TCHHL1: variants seen among roughly 807,000 people sequenced by gnomAD.
TCHHL1 encodes trichohyalin-like protein 1.
A neutral mutation model predicts 3.5 loss-of-function variants in TCHHL1; 1 was observed. The ratio of observed to expected loss-of-function variants is 0.29; its 90% CI spans 0.10 to 1.36. The LOEUF (loss-of-function observed/expected upper bound fraction) is 1.36. Among genes scored for constraint, TCHHL1 ranks in the 40% most tolerant of loss-of-function variants. TCHHL1 has a pLI of 0.43. For synonymous variants in TCHHL1, 405 were observed against 375.3 expected (o/e 1.08, Z -0.92); for missense variants, 1,027 against 1,032.8 (o/e 0.99, Z 0.08).
At chr1:152,088,309 G>A in intron 1 of TCHHL1, 146 bp from the exon 2 acceptor site, 4 of 658,332 alleles carry the variant, frequency 6.1e-6, no homozygotes, top group Non-Finnish European at 9.0e-6. Flanking sequence ...GAACTCCAGG[G>A]GTGATTTAGT....
rs751036382 is a variant in TCHHL1 at position 152,087,334 on chromosome 1, G to A, written c.348C>T (p.Thr116=). 4.3e-5 allele frequency: 70 copies of A among 1,613,624 alleles called. No homozygotes were observed. The highest frequency in any genetic ancestry group is 5.7e-5 in the Non-Finnish European group (67 of 1,179,982). ...KLDDVDVQAT[T]GDGQWTVGTS... ...TTCCCACTGTCCACTGACCATCTCC[G>A]GTGGTTGCCTGAACATCCACATCAT... The change falls in exon 3 of 3, where the codon ACC becomes ACT. Residue 116 remains threonine (T), a synonymous_variant. Coordinates refer to ENST00000368806, the MANE Select transcript of TCHHL1 (RefSeq NM_001008536.2).
rs1303963698 is a variant in TCHHL1 at position 152,086,922 on chromosome 1, G to T, written c.760C>A (p.Gln254Lys). 1 of 1,614,074 alleles carries T rather than the reference G, an allele frequency of 6.2e-7. No homozygotes were observed. The highest frequency in any genetic ancestry group is 8.5e-7 in the Non-Finnish European group (1 of 1,180,016). The part of the protein sequence containing the change: ...VSKIRDQFGE[Q>K]EGNLATQSSP... ...CTTTGGGTTGCCAAGTTTCCTTCCT[G>T]TTCTCCAAACTGGTCTCTTATCTTG... Residue 254 changes from glutamine (Q) to lysine (K), a missense_variant, in exon 3 of 3, where the codon CAG becomes AAG. Around this residue, in one of 3 missense-constraint regions of TCHHL1, gnomAD observed 338 missense variants for 335.9 expected, o/e 1.01. Transcript: ENST00000368806.
At chr1:152,088,412 T>C (rs1013564505) in intron 1 of TCHHL1, among the ~76,000 whole-genome samples, 1 of 152,168 alleles carries the variant, frequency 6.6e-6, no homozygotes, top group Admixed American at 6.5e-5. Context: ...GCAACATTCA[T>C]GTGCTCAGAG....
chr1:152,087,771 T>C (rs1657761704), intron 2 of TCHHL1, among the ~76,000 whole-genome samples: 1 of 152,174 alleles, frequency 6.6e-6, no homozygotes, highest in Non-Finnish European at 1.5e-5. Context: ...GGTTTATGAC[T>C]CCTTTCAGAA....
Position 152,086,227 on chromosome 1 carries a change from G to A in TCHHL1, c.1455C>T (p.Asn485=), listed in dbSNP as rs150195731. The change falls in exon 3 of 3, where the codon AAC becomes AAT. Residue 485 remains asparagine, a synonymous_variant. Transcript: ENST00000368806. ...CCAGTGTCCTTTCTGCTGCAGGTGC[G>A]TTTTTGCTGTTCACAAATGCTTCTG... ...GTAEAFVNSK[N]APAAERTLGA... is the part of the protein sequence containing the mutation. The A allele has an allele frequency of 5.0e-5, 81 of 1,614,118 alleles. No individual in the cohort carries two copies. Among genetic ancestry groups the A allele is most frequent in the Middle Eastern group, 3.3e-4 (2 of 6,060 alleles).
In TCHHL1 at chr1:152,085,144, A is replaced by G; in HGVS notation, c.2538T>C (p.Cys846=). 6.2e-7 allele frequency: 1 copy of G among 1,614,062 alleles called. No homozygotes were observed. The highest frequency in any genetic ancestry group is 8.5e-7 in the Non-Finnish European group (1 of 1,180,020). ...CTTGGCTGTAGTTGAAAAAGACAGA[A>G]CAATCTGAGATCTCACTGGTGAGGG... ...SVSLTSEISD[C]SVFFNYSQAS... is the part of the protein sequence containing the mutation. The change falls in exon 3 of 3, where the codon TGT becomes TGC. Residue 846 remains cysteine, a synonymous_variant. Coordinates refer to ENST00000368806, the MANE Select transcript of TCHHL1 (RefSeq NM_001008536.2).
Position 152,086,222 on chromosome 1 carries a change from G to T in TCHHL1, c.1460C>A (p.Pro487His). Residue 487 changes from proline to histidine, a missense_variant, in exon 3 of 3, where the codon CCT becomes CAT. Physicochemically the swap from Pro to His is moderately conservative, Grantham distance 77. This residue lies in a region of TCHHL1 where 673 missense variants were observed against 658.6 expected (regional missense o/e 1.02). Transcript: ENST00000368806. The part of the protein sequence containing the change: ...AEAFVNSKNA[P>H]AAERTLGARE... ...TGCCCCCAGTGTCCTTTCTGCTGCA[G>T]GTGCGTTTTTGCTGTTCACAAATGC... 1.2e-6 allele frequency: 2 copies of T among 1,614,152 alleles called. No individual in the cohort carries two copies. Among genetic ancestry groups the T allele is most frequent in the South Asian group, 2.2e-5 (2 of 91,080 alleles).
chr1:152,084,909 A>C lies in TCHHL1; in HGVS notation c.*58T>G. On this transcript the variant is annotated 3_prime_UTR_variant, in exon 3 of 3. Transcript: ENST00000368806. ...TGTTAATCTGCATCTGAATGTGTACACGTGAGTATTGAGGGTGATTGGGAG... is the reference window on the plus strand; with the variant it reads ...TGTTAATCTGCATCTGAATGTGTACCCGTGAGTATTGAGGGTGATTGGGAG... The C allele has an allele frequency of 6.7e-7, 1 of 1,503,490 alleles. No homozygotes were observed. The allele number at this position is 1,503,490 out of a possible 1,614,324, so 93.1% of individuals were successfully genotyped here. A position where few individuals can be genotyped will look rare whatever the true frequency, so the allele number is the denominator to read the frequency against.
rs758572009 is a variant in TCHHL1 at position 152,086,477 on chromosome 1, G to C, written c.1205C>G (p.Thr402Arg). Reference protein sequence around the residue: ...KERRGPEAHGTAGQKERDRKT... With the variant: ...KERRGPEAHGRAGQKERDRKT... ...TCTGTCACGTTCTTTCTGCCCTGCT[G>C]TTCCATGGGCCTCAGGACCTCTCCT... The change falls in exon 3 of 3, where the codon ACA becomes AGA. Residue 402 changes from threonine (T) to arginine (R), a missense_variant. Thr to Arg is a moderately conservative substitution (Grantham distance 71). Transcript: ENST00000368806. 1.2e-6 allele frequency: 2 copies of C among 1,614,026 alleles called. No homozygotes were observed. Among genetic ancestry groups the C allele is most frequent in the East Asian group, 2.2e-5 (1 of 44,892 alleles).
rs1657693960 is a variant in TCHHL1 at position 152,085,138 on chromosome 1, G to A, written c.2544C>T (p.Val848=). ...GTGATGCTTGGCTGTAGTTGAAAAA[G>A]ACAGAACAATCTGAGATCTCACTGG... is the stretch of plus-strand genomic sequence containing the variant. ...SLTSEISDCS[V]FFNYSQASQP... Residue 848 remains valine, a synonymous_variant, in exon 3 of 3, where the codon GTC becomes GTT. Transcript: ENST00000368806. 3.7e-6 allele frequency: 6 copies of A among 1,614,016 alleles called. No individual in the cohort carries two copies. The highest frequency in any genetic ancestry group is 1.7e-5 in the Admixed American group (1 of 60,000).
chr1:152,084,953 G>A lies in TCHHL1; in HGVS notation c.*14C>T. 2.5e-6 allele frequency: 4 copies of A among 1,606,010 alleles called. No individual in the cohort carries two copies. Among genetic ancestry groups the A allele is most frequent in the Non-Finnish European group, 3.4e-6 (4 of 1,175,302 alleles). ...TTGGGAGAGAAATTGGGGGCATGTT[G>A]AGATGATAATGATTCATTGCTTTGT... On this transcript the variant is annotated 3_prime_UTR_variant, in exon 3 of 3. Coordinates refer to ENST00000368806, the MANE Select transcript of TCHHL1 (RefSeq NM_001008536.2).
At chr1:152,087,637 C>T (rs1275257796) in intron 2 of TCHHL1, 94 bp from the exon 3 acceptor site, 1 of 1,298,508 alleles carries the variant, frequency 7.7e-7, no homozygotes, top group Non-Finnish European at 1.0e-6. Context: ...CCTCATTCCT[C>T]AGTAACTGGT....
chr1:152,086,069 G>T lies in TCHHL1; in HGVS notation c.1613C>A (p.Pro538Gln). ...AGACCCCTCATCACTCTGTGTGAAT[G>T]GTGACTCAGGGTCCTCCCCCTGGTA... ...DGYQGEDPES[P>Q]FTQSDEGSSE... The change falls in exon 3 of 3, where the codon CCA becomes CAA. Residue 538 changes from proline to glutamine, a missense_variant. By Grantham distance (76) the Pro-to-Gln change is moderately conservative. This residue lies in a region of TCHHL1 where 673 missense variants were observed against 658.6 expected (regional missense o/e 1.02). Transcript: ENST00000368806. 6.2e-7 allele frequency: 1 copy of T among 1,614,172 alleles called. No homozygotes were observed. The highest frequency in any genetic ancestry group is 8.5e-7 in the Non-Finnish European group (1 of 1,180,034).
rs770349673 is a variant in TCHHL1 at position 152,087,421 on chromosome 1, G to A, written c.261C>T (p.Asp87=). 3.1e-6 allele frequency: 5 copies of A among 1,611,524 alleles called. No individual in the cohort carries two copies. The highest frequency in any genetic ancestry group is 1.1e-5 in the South Asian group (1 of 91,086). ...GTTCAGAACTTAGTAATGATTTTAT[G>A]TCAAGATAACAGAGGTTCAACAAGT... ...IFNLLNLCYL[D]IKSLLSSELR... is the part of the protein sequence containing the mutation. Residue 87 remains aspartate (D), a synonymous_variant, in exon 3 of 3, where the codon GAC becomes GAT. Coordinates refer to ENST00000368806, the MANE Select transcript of TCHHL1 (RefSeq NM_001008536.2).
At position 152,085,295 on chromosome 1, in the gene TCHHL1, A is replaced by T; in HGVS notation, c.2387T>A (p.Val796Asp). 3 of 1,614,140 alleles carry T rather than the reference A, an allele frequency of 1.9e-6. No homozygotes were observed. Among genetic ancestry groups the T allele is most frequent in the Non-Finnish European group, 2.5e-6 (3 of 1,180,020 alleles). The stretch of plus-strand genomic sequence containing the variant: ...GTACTGGTATAGTGGACTGGAATAG[A>T]CTGCACCCCTCTCCACAGAACAGGG... ...QEPCSVERGA[V>D]YSSPLYQYLQ... The change falls in exon 3 of 3, where the codon GTC (valine) becomes GAC (aspartate). Residue 796 changes from valine to aspartate, a missense_variant. By Grantham distance (152) the Val-to-Asp change is radical. This residue lies in a region of TCHHL1 where 673 missense variants were observed against 658.6 expected (regional missense o/e 1.02). Coordinates refer to ENST00000368806, the MANE Select transcript of TCHHL1 (RefSeq NM_001008536.2).
Position 152,086,574 on chromosome 1 carries a change from T to C in TCHHL1, c.1108A>G (p.Lys370Glu). 6.2e-7 allele frequency: 1 copy of C among 1,614,218 alleles called. No individual in the cohort carries two copies. The highest frequency in any genetic ancestry group is 8.5e-7 in the Non-Finnish European group (1 of 1,180,046). Reference sequence around the variant, plus strand: ...CTACCATATTGGACTGGCAGGTCCTTTGTTTCACATTCTTTTTCTTGGGTC... The same window carrying C: ...CTACCATATTGGACTGGCAGGTCCTCTGTTTCACATTCTTTTTCTTGGGTC... The part of the protein sequence containing the change: ...SETQEKECET[K>E]DLPVQYGSRN... The change falls in exon 3 of 3, where the codon AAG becomes GAG. Residue 370 changes from lysine (K) to glutamate (E), a missense_variant. Lys to Glu is a moderately conservative substitution (Grantham distance 56). Coordinates refer to ENST00000368806, the MANE Select transcript of TCHHL1 (RefSeq NM_001008536.2).
chr1:152,085,035 C>T lies in TCHHL1; in HGVS notation c.2647G>A (p.Asp883Asn). The change falls in exon 3 of 3, where the codon GAT (aspartate) becomes AAT (asparagine). Residue 883 changes from aspartate (D) to asparagine (N), a missense_variant. Around this residue, in one of 3 missense-constraint regions of TCHHL1, gnomAD observed 673 missense variants for 658.6 expected, o/e 1.02. Transcript: ENST00000368806. ...QETPAPQALE[D>N]KQGHPQRERL... The stretch of plus-strand genomic sequence containing the variant: ...TCTCTCTGAGGGTGACCTTGCTTAT[C>T]TTCCAAGGCCTGGGGAGCTGGTGTT... 1.2e-6 allele frequency: 2 copies of T among 1,614,114 alleles called. No individual in the cohort carries two copies. The highest frequency in any genetic ancestry group is 1.7e-6 in the Non-Finnish European group (2 of 1,180,026).
intron 1 of TCHHL1, among the ~76,000 whole-genome samples, 152 bp from the exon 2 acceptor site, chr1:152,088,315 T>G (rs940691045): frequency 2.0e-5 from 3 of 152,126 alleles, no homozygotes; most frequent in African/African-American, 7.2e-5. Context: ...CAGGGGTGAT[T>G]TAGTATTGTA....
At position 152,085,844 on chromosome 1, in the gene TCHHL1, G is replaced by A; in HGVS notation, c.1838C>T (p.Ala613Val). The change falls in exon 3 of 3, where the codon GCA (alanine) becomes GTA (valine). Residue 613 changes from alanine (A) to valine (V), a missense_variant. By Grantham distance (64) the Ala-to-Val change is moderately conservative. Coordinates refer to ENST00000368806, the MANE Select transcript of TCHHL1 (RefSeq NM_001008536.2). ...GAGCTGTACATCCTCTCCTCTGACTGCTGGTACCACTGCCTCCAGAGCTCT... is the reference window on the plus strand; with the variant it reads ...GAGCTGTACATCCTCTCCTCTGACTACTGGTACCACTGCCTCCAGAGCTCT... The part of the protein sequence containing the change: ...KNRALEAVVP[A>V]VRGEDVQLTE... 1 of 1,614,132 alleles carries A rather than the reference G, an allele frequency of 6.2e-7. No individual in the cohort carries two copies. The highest frequency in any genetic ancestry group is 8.5e-7 in the Non-Finnish European group (1 of 1,180,034).
Sources: allele counts gnomAD v4.1 joint callset (sites outside exome capture counted in the v4.1 genomes callset), GRCh38; gene constraint gnomAD v4.1.1; regional missense constraint gnomAD v4.1.1; transcripts MANE v1.5; gene names NCBI Gene and HGNC (gene_info 2026-07-23, HGNC 2026-07-21).